Variants in CELSR1 observed in about 807,000 individuals in gnomAD.
The protein encoded by CELSR1 is adhesion G protein-coupled receptor C1.
In CELSR1, 110 loss-of-function variants were observed where a neutral mutation model predicts 249.1. The observed-to-expected ratio is 0.44, with a 90% CI of 0.38 to 0.52. CELSR1 has a LOEUF of 0.52. CELSR1 is among the 20% of genes least tolerant of loss of function. The pLI is 0.00. For synonymous variants in CELSR1, 2,113 were observed against 1,900.0 expected, an observed-to-expected ratio of 1.11 and a Z score of -2.92; for missense variants, 4,109 against 4,296.4, an observed-to-expected ratio of 0.96 and a Z score of 1.22.
chr22:46,497,330 A>T (rs2080422993), intron 1 of CELSR1, among the ~76,000 whole-genome samples: 1 of 152,110 alleles, frequency 6.6e-6, no homozygotes, highest in Non-Finnish European at 1.5e-5. Context: ...ATCCTTTTCA[A>T]TGTTTATAGC....
Position 46,433,023 on chromosome 22 carries a change from C to A in CELSR1, c.4611+370G>T, listed in dbSNP as rs2079613763. On this transcript the variant is annotated intron_variant, in intron 5 of 34. Coordinates refer to ENST00000674500, the MANE Select transcript of CELSR1 (RefSeq NM_001378328.1). This position sits in a 1 kb window ranked among gnomAD's most constrained non-coding sequence, Gnocchi z 5.7. Reference sequence around the variant, plus strand: ...CAAGACAGAAAATCTACCAGGGCACCTTTTTTCCTTCCTTTTTTTTTTAGA... The same window carrying A: ...CAAGACAGAAAATCTACCAGGGCACATTTTTTCCTTCCTTTTTTTTTTAGA... Among the ~76,000 whole-genome samples, 1 of 151,862 alleles carries A rather than the reference C, an allele frequency of 6.6e-6. No individual in the cohort carries two copies. Among genetic ancestry groups the A allele is most frequent in the Admixed American group, 6.6e-5 (1 of 15,250 alleles).
At chr22:46,513,976 G>C (rs142098033) in intron 1 of CELSR1, among the ~76,000 whole-genome samples, 1 of 151,852 alleles carries the variant, frequency 6.6e-6, no homozygotes, top group East Asian at 1.9e-4. Flanking sequence ...TGTATTCTTA[G>C]TAGAGACGGG....
chr22:46,403,616 C>T (rs1488935216), intron 9 of CELSR1, among the ~76,000 whole-genome samples: 3 of 151,838 alleles, frequency 2.0e-5, no homozygotes, highest in African/African-American at 7.3e-5. Flanking sequence ...ACAAATTTAA[C>T]CTACTTGATG....
Position 46,535,659 on chromosome 22 carries a change from G to A in CELSR1, c.1512C>T (p.Ala504=), listed in dbSNP as rs1602254522. The change falls in exon 1 of 35, where the codon GCC becomes GCT. Residue 504 remains alanine (A), a synonymous_variant. Transcript: ENST00000674500. ...TCAGCGAGTGCAGGTAGAACTGGCCGGCCACGTTCCCGCTGAGGATGCTGT... is the reference window on the plus strand; with the variant it reads ...TCAGCGAGTGCAGGTAGAACTGGCCAGCCACGTTCCCGCTGAGGATGCTGT... ...IHYSILSGNV[A]GQFYLHSLSG... 6.2e-6 allele frequency: 10 copies of A among 1,613,264 alleles called. No homozygotes were observed. Among genetic ancestry groups the A allele is most frequent in the Non-Finnish European group, 8.5e-6 (10 of 1,180,032 alleles).
At chr22:46,505,635 G>C (rs1602222228) in intron 1 of CELSR1, among the ~76,000 whole-genome samples, 1 of 151,954 alleles carries the variant, frequency 6.6e-6, no homozygotes, top group South Asian at 2.1e-4. Flanking sequence ...AGTAAGACCT[G>C]GTCTCAAAAT....
intron 5 of CELSR1, among the ~76,000 whole-genome samples, chr22:46,416,102 C>CGGGGGGGGGGGGG (rs1230223357): frequency 1.6e-5 from 2 of 122,374 alleles, no homozygotes; most frequent in African/African-American, 3.3e-5. Flanking sequence ...GTACAGGTTG[C>CGGGGGGGGGGGGG]AGAGGGGGGC....
chr22:46,402,127 T>C lies in CELSR1; in HGVS notation c.5227-2225A>G, dbSNP rs879908646. On this transcript the variant is annotated intron_variant, in intron 9 of 34. Coordinates refer to ENST00000674500, the MANE Select transcript of CELSR1 (RefSeq NM_001378328.1). The surrounding 1 kb of genome is among the most constrained non-coding windows in gnomAD (Gnocchi z 5.0). ...AAAAAAGTCTGTGACTGCATTCAAG[T>C]GCTCTGGGAGGGAAAGTGCTCCTAG... Among the ~76,000 whole-genome samples the C allele has an allele frequency of 6.6e-6, 1 of 151,964 alleles. No homozygotes were observed. The highest frequency in any genetic ancestry group is 6.6e-5 in the Admixed American group (1 of 15,264).
intron 20 of CELSR1, among the ~76,000 whole-genome samples, chr22:46,384,222 C>T (rs992822958): frequency 1.3e-5 from 2 of 152,216 alleles, no homozygotes; most frequent in Non-Finnish European, 2.9e-5. Flanking sequence ...AGGCGTGAGC[C>T]GCCGCGCCTG....
chr22:46,439,822 CCACAGCAGAA>C (rs1422664728), intron 2 of CELSR1, among the ~76,000 whole-genome samples: 1 of 152,154 alleles, frequency 6.6e-6, no homozygotes, highest in Non-Finnish European at 1.5e-5. Context: ...TATGCCCGTG[CCACAGCAGAA>C]CACAGCAGAG....
In CELSR1 at chr22:46,427,108, TAC is replaced by T. The variant is rs888424501; in HGVS notation, c.4611+6283_4611+6284del. On this transcript the variant is annotated intron_variant, in intron 5 of 34. Transcript: ENST00000674500. This position sits in a 1 kb window ranked among gnomAD's most constrained non-coding sequence, Gnocchi z 4.2. Reference sequence around the variant, plus strand: ...TGAAGTGTGTGTGCATGTATATATGTACACACACACACACCTACACAGACGTC... The same window carrying T: ...TGAAGTGTGTGTGCATGTATATATGTACACACACACACCTACACAGACGTC... Among the ~76,000 whole-genome samples the T allele has an allele frequency of 1.3e-5, 2 of 152,002 alleles. No homozygotes were observed. The highest frequency in any genetic ancestry group is 2.4e-5 in the African/African-American group (1 of 41,468).
At position 46,374,820 on chromosome 22, in the gene CELSR1, C is replaced by A. The variant is rs115862369; in HGVS notation, c.7585-1763G>T. Among the ~76,000 whole-genome samples the A allele has an allele frequency of 6.6e-6, 1 of 152,182 alleles. No homozygotes were observed. Among genetic ancestry groups the A allele is most frequent in the African/African-American group, 2.4e-5 (1 of 41,418 alleles). On this transcript the variant is annotated intron_variant, in intron 24 of 34. Coordinates refer to ENST00000674500, the MANE Select transcript of CELSR1 (RefSeq NM_001378328.1). This position sits in a 1 kb window ranked among gnomAD's most constrained non-coding sequence, Gnocchi z 4.3. ...CCCATTGCGGGGATGCGCCCGGCTG[C>A]GGATGTGAAGAAACCCCTCCGCAGG...
intron 1 of CELSR1, among the ~76,000 whole-genome samples, chr22:46,482,781 C>T (rs974025600): frequency 2.0e-5 from 3 of 152,156 alleles, no homozygotes; most frequent in Non-Finnish European, 4.4e-5. Context: ...CTAATCTCCA[C>T]AGAAGACCAA....
chr22:46,458,932 G>A (rs1282855340), intron 2 of CELSR1, among the ~76,000 whole-genome samples: 3 of 151,952 alleles, frequency 2.0e-5, no homozygotes, highest in African/African-American at 4.8e-5. Context: ...TCACTCTGTC[G>A]CCCAGGCTGG....
intron 1 of CELSR1, among the ~76,000 whole-genome samples, chr22:46,478,407 T>C (rs2147651877): frequency 6.6e-6 from 1 of 152,324 alleles, no homozygotes; most frequent in Admixed American, 6.5e-5. Context: ...AGTGGGCACC[T>C]GGTTCTGAGC....
In CELSR1 at chr22:46,488,682, C is replaced by T. The variant is rs1262970694; in HGVS notation, c.3545-24337G>A. On this transcript the variant is annotated intron_variant, in intron 1 of 34. Transcript: ENST00000674500. The surrounding 1 kb of genome is among the most constrained non-coding windows in gnomAD (Gnocchi z 4.7). ...GCCCTGCCCTTTTTTTTTTTTGAGA[C>T]GGAGTCTTGCTCTGTCACCCAGGCT... Among the ~76,000 whole-genome samples the T allele has an allele frequency of 1.4e-4, 21 of 146,582 alleles. No homozygotes were observed. The highest frequency in any genetic ancestry group is 4.4e-4 in the African/African-American group (17 of 39,056).
chr22:46,404,997 G>T (rs1047828430), intron 9 of CELSR1, among the ~76,000 whole-genome samples: 16 of 151,358 alleles, frequency 1.1e-4, no homozygotes, highest in Non-Finnish European at 2.2e-4. Context: ...GCTAATTTTT[G>T]TATTTTTAGC....
intron 33 of CELSR1, 23 bp from the exon 34 acceptor site, chr22:46,364,274 G>T: frequency 6.2e-7 from 1 of 1,602,588 alleles, no homozygotes; most frequent in South Asian, 1.1e-5. Flanking sequence ...GACACGGCAA[G>T]GTCAAGTCCG....
chr22:46,513,298 G>A (rs1287727679), intron 1 of CELSR1, among the ~76,000 whole-genome samples: 2 of 152,248 alleles, frequency 1.3e-5, no homozygotes, highest in South Asian at 2.1e-4. Flanking sequence ...ATGATCACGA[G>A]AGGCAACATG....
chr22:46,407,156 C>A lies in CELSR1; in HGVS notation c.5226+1840G>T, dbSNP rs2079276153. On this transcript the variant is annotated intron_variant, in intron 9 of 34. Coordinates refer to ENST00000674500, the MANE Select transcript of CELSR1 (RefSeq NM_001378328.1). This position sits in a 1 kb window ranked among gnomAD's most constrained non-coding sequence, Gnocchi z 4.8. ...GCTCACTCTGGTTGGAGATAATGAA[C>A]AACCAGAAGGAAGTCAGTGCTGCTC... Among the ~76,000 whole-genome samples the A allele has an allele frequency of 6.6e-6, 1 of 152,206 alleles. No individual in the cohort carries two copies. Among genetic ancestry groups the A allele is most frequent in the Non-Finnish European group, 1.5e-5 (1 of 68,042 alleles).
Sources: allele counts gnomAD v4.1 joint callset (sites outside exome capture counted in the v4.1 genomes callset), GRCh38; gene constraint gnomAD v4.1.1; non-coding constraint Gnocchi (gnomAD v3.1); transcripts MANE v1.5; gene names NCBI Gene and HGNC (gene_info 2026-07-23, HGNC 2026-07-21).